Variants in GRAMD2B observed in about 807,000 individuals in gnomAD.
The protein encoded by GRAMD2B is GRAM domain-containing protein 2B.
GRAMD2B carries 41 observed loss-of-function variants against 59.2 expected under a neutral mutation model. The ratio of observed to expected loss-of-function variants is 0.69; its 90% CI spans 0.54 to 0.90. The LOEUF is 0.90. Ranked by LOEUF, GRAMD2B falls within the 40% of genes least tolerant of loss-of-function variation. The probability of loss-of-function intolerance (pLI) is 0.00; values close to 1 mark genes in which losing one functional copy is unlikely to be tolerated. For synonymous variants in GRAMD2B, 161 were observed against 182.7 expected (o/e 0.88, Z 0.96); for missense variants, 424 against 500.5 (o/e 0.85, Z 1.46).
chr5:126,383,722 G>C (rs1229197069), intron 1 of GRAMD2B, among the ~76,000 whole-genome samples: 1 of 152,162 alleles, frequency 6.6e-6, no homozygotes, highest in African/African-American at 2.4e-5. Flanking sequence ...CAAGTTCATG[G>C]ACGAATTTAT....
At chr5:126,394,774 T>G (rs1048454915) in intron 1 of GRAMD2B, among the ~76,000 whole-genome samples, 20 of 152,218 alleles carry the variant, frequency 1.3e-4, no homozygotes, top group Non-Finnish European at 4.4e-5. Flanking sequence ...ATAGAAACTG[T>G]GAAATGTTTT....
rs1348798573 is a variant in GRAMD2B, at chr5:126,427,039, C to T, written c.83+3350C>T. On this transcript the variant is annotated intron_variant, in intron 1 of 13. Transcript: ENST00000285689. The stretch of plus-strand genomic sequence containing the variant: ...TTTATGTTCCCAGTACTTTAATAGT[C>T]GTAGCGTAGCCAGACTTTTTTTGAC... Among the ~76,000 whole-genome samples the T allele has an allele frequency of 7.9e-5, 12 of 152,322 alleles. No individual in the cohort carries two copies. In the East Asian group the frequency reaches 2.3e-3, roughly 29 times the overall value.
At chr5:126,478,840 TG>T (rs1771154723) in intron 6 of GRAMD2B, among the ~76,000 whole-genome samples, 1 of 152,202 alleles carries the variant, frequency 6.6e-6, no homozygotes, top group African/African-American at 2.4e-5. Context: ...GTTCCTGGTG[TG>T]GGGGTGGCCA....
At chr5:126,369,958 G>T (rs1754658263), upstream of GRAMD2B, among the ~76,000 whole-genome samples, 1 of 152,170 alleles carries the variant, frequency 6.6e-6, no homozygotes, top group Non-Finnish European at 1.5e-5. Flanking sequence ...CTTATTTAAT[G>T]TCTCCAACAT....
At chr5:126,408,780 C>T (rs889378822) in intron 1 of GRAMD2B, among the ~76,000 whole-genome samples, 3 of 149,346 alleles carry the variant, frequency 2.0e-5, no homozygotes, top group African/African-American at 5.0e-5. Context: ...TGCTGGTGTG[C>T]TGCACCCATT....
upstream of GRAMD2B, among the ~76,000 whole-genome samples, chr5:126,420,216 T>C (rs187677381): frequency 2.0e-5 from 3 of 152,316 alleles, no homozygotes; most frequent in Admixed American, 6.5e-5. Flanking sequence ...ATAATCTTTT[T>C]ATCTTGTCTC....
intron 1 of GRAMD2B, among the ~76,000 whole-genome samples, chr5:126,462,775 T>C (rs1347574344): frequency 2.0e-5 from 3 of 152,120 alleles, no homozygotes; most frequent in African/African-American, 4.8e-5. Flanking sequence ...GCAGGCAGCA[T>C]AGAGACTTTT....
intron 1 of GRAMD2B, among the ~76,000 whole-genome samples, chr5:126,437,980 A>G (rs1012564054): frequency 6.6e-6 from 1 of 152,188 alleles, no homozygotes; most frequent in African/African-American, 2.4e-5. Context: ...AGATTGGTGC[A>G]TACTGGAATC....
At chr5:126,360,201 T>C in exon 1 of GRAMD2B, 2 of 1,055,918 alleles carry the variant, frequency 1.9e-6, no homozygotes, top group South Asian at 3.3e-5. Flanking sequence ...AGAAAACTTC[T>C]GAGATAGCAC....
At chr5:126,442,407 C>A (rs1446866492) in intron 1 of GRAMD2B, among the ~76,000 whole-genome samples, 1 of 151,572 alleles carries the variant, frequency 6.6e-6, no homozygotes, top group Non-Finnish European at 1.5e-5. Flanking sequence ...TCTCCTGCCT[C>A]AGCCTCCCTA....
chr5:126,381,583 A>T (rs1755661018), intron 1 of GRAMD2B, among the ~76,000 whole-genome samples: 1 of 152,078 alleles, frequency 6.6e-6, no homozygotes, highest in East Asian at 1.9e-4. Context: ...GTGAGTCCTT[A>T]TGTGTTAGGT....
At chr5:126,364,859 T>A (rs1754370385) in intron 1 of GRAMD2B, among the ~76,000 whole-genome samples, 1 of 152,222 alleles carries the variant, frequency 6.6e-6, no homozygotes, top group African/African-American at 2.4e-5. Flanking sequence ...CATAGAATTC[T>A]CCAAACATGT....
intron 2 of GRAMD2B, among the ~76,000 whole-genome samples, chr5:126,468,321 G>A (rs965720313): frequency 1.3e-5 from 2 of 152,084 alleles, no homozygotes; most frequent in African/African-American, 2.4e-5. Context: ...CTTCAAACAT[G>A]TTTTGTGGTT....
chr5:126,433,699 C>T (rs923658295), intron 1 of GRAMD2B: 2 of 152,342 alleles, frequency 1.3e-5, no homozygotes, highest in Admixed American at 6.5e-5. Flanking sequence ...CTAATTGGCA[C>T]AGCAGTCATT....
intron 1 of GRAMD2B, among the ~76,000 whole-genome samples, chr5:126,445,094 T>C (rs1763967205): frequency 6.6e-6 from 1 of 152,228 alleles, no homozygotes; most frequent in African/African-American, 2.4e-5. Flanking sequence ...ATCCACTCTA[T>C]AATTGATGGG....
Position 126,439,137 on chromosome 5 carries a change from G to T in GRAMD2B, c.83+15448G>T, listed in dbSNP as rs530733993. 2.6e-5 allele frequency among the ~76,000 whole-genome samples: 4 copies of T among 152,236 alleles called. No individual in the cohort carries two copies. The East Asian group carries it at 7.7e-4, about 29-fold the overall frequency. On this transcript the variant is annotated intron_variant, in intron 1 of 13. Coordinates refer to ENST00000285689, the MANE Select transcript of GRAMD2B (RefSeq NM_023927.4). The stretch of plus-strand genomic sequence containing the variant: ...CCATTCCACCCACATGGCCATTGAA[G>T]ATTCCATGTGGCAAAGTCCTCAAGA...
intron 13 of GRAMD2B, among the ~76,000 whole-genome samples, chr5:126,492,139 C>T (rs1774052210): frequency 1.3e-5 from 2 of 152,224 alleles, no homozygotes; most frequent in African/African-American, 2.4e-5. Flanking sequence ...CGTGGTTGGT[C>T]TCTGTCCCTG....
At chr5:126,465,087 G>C in intron 1 of GRAMD2B, 13 of 1,139,110 alleles carry the variant, frequency 1.1e-5, no homozygotes, top group Non-Finnish European at 1.3e-5. Flanking sequence ...GTACATGTGC[G>C]TGTGTGCTTG....
chr5:126,484,946 T>C (rs1772616594), intron 10 of GRAMD2B, among the ~76,000 whole-genome samples: 1 of 152,188 alleles, frequency 6.6e-6, no homozygotes, highest in South Asian at 2.1e-4. Flanking sequence ...CTTTGTATTA[T>C]AGGTCTTTGC....
Sources: allele counts gnomAD v4.1 joint callset (sites outside exome capture counted in the v4.1 genomes callset), GRCh38; gene constraint gnomAD v4.1.1; transcripts MANE v1.5; gene names NCBI Gene and HGNC (gene_info 2026-07-23, HGNC 2026-07-21).